The following NRG3 variants were observed in gnomAD, a reference collection of about 807,000 sequenced individuals.
NRG3 encodes pro-neuregulin-3, membrane-bound isoform.
In NRG3, 31 loss-of-function variants were observed where a neutral mutation model predicts 66.9. The ratio of observed to expected loss-of-function variants is 0.46; its 90% CI spans 0.35 to 0.63. The LOEUF (loss-of-function observed/expected upper bound fraction) is 0.63. Among genes scored for constraint, NRG3 ranks in the 20% least tolerant of loss-of-function variants. The probability of loss-of-function intolerance (pLI) is 0.00; values close to 1 mark genes in which losing one functional copy is unlikely to be tolerated. For synonymous variants in NRG3, 393 were observed against 359.4 expected, an observed-to-expected ratio of 1.09 and a Z score of -1.06; for missense variants, 910 against 878.9, an observed-to-expected ratio of 1.04 and a Z score of -0.45.
At chr10:82,416,348 A>G (rs965154096) in intron 2 of NRG3, among the ~76,000 whole-genome samples, 2 of 152,198 alleles carry the variant, frequency 1.3e-5, no homozygotes, top group African/African-American at 4.8e-5. Context: ...GGCACCAAGG[A>G]ATATATTCAT....
chr10:82,896,316 T>G (rs2131839837), intron 4 of NRG3, among the ~76,000 whole-genome samples: 1 of 152,328 alleles, frequency 6.6e-6, no homozygotes, highest in African/African-American at 2.4e-5. Context: ...ATGAAGCACA[T>G]GCTGAAGATC....
At chr10:82,783,193 G>A (rs1489994426) in intron 3 of NRG3, among the ~76,000 whole-genome samples, 1 of 152,070 alleles carries the variant, frequency 6.6e-6, no homozygotes, top group African/African-American at 2.4e-5. Flanking sequence ...ATTAGGTGTT[G>A]ATGGGACGTA....
intron 4 of NRG3, among the ~76,000 whole-genome samples, chr10:82,935,367 T>C (rs968512195): frequency 1.3e-5 from 2 of 152,216 alleles, no homozygotes; most frequent in African/African-American, 2.4e-5. Flanking sequence ...CAGTATTCTA[T>C]TTAAAATGTA....
chr10:81,950,082 G>A (rs1191585131), intron 1 of NRG3, among the ~76,000 whole-genome samples: 3 of 152,170 alleles, frequency 2.0e-5, no homozygotes, highest in African/African-American at 4.8e-5. Context: ...AGGTTCCAAT[G>A]TGCCAAGTTC....
At chr10:82,829,054 G>A (rs955421713) in intron 3 of NRG3, among the ~76,000 whole-genome samples, 1 of 152,072 alleles carries the variant, frequency 6.6e-6, no homozygotes. Flanking sequence ...GACAGCCTGT[G>A]CTGCAGTTCT....
intron 2 of NRG3, among the ~76,000 whole-genome samples, chr10:82,424,706 C>T (rs1165906399): frequency 6.6e-6 from 1 of 152,000 alleles, no homozygotes; most frequent in African/African-American, 2.4e-5. Flanking sequence ...TTCTAGTAAA[C>T]TATCACCTAA....
At chr10:82,607,997 G>T (rs2048072819) in intron 2 of NRG3, among the ~76,000 whole-genome samples, 1 of 152,036 alleles carries the variant, frequency 6.6e-6, no homozygotes, top group African/African-American at 2.4e-5. Flanking sequence ...ATAAGAAAAA[G>T]GAAAGATTTT....
intron 1 of NRG3, among the ~76,000 whole-genome samples, chr10:81,976,472 T>G (rs1209225865): frequency 6.6e-6 from 1 of 152,216 alleles, no homozygotes; most frequent in African/African-American, 2.4e-5. Context: ...ATTTCTAGCC[T>G]AGAAGGTTCA....
At chr10:82,701,460 T>C (rs573249544) in intron 2 of NRG3, among the ~76,000 whole-genome samples, 3 of 152,290 alleles carry the variant, frequency 2.0e-5, no homozygotes, top group South Asian at 4.1e-4. Flanking sequence ...GACATATTTG[T>C]AAGTCACAAG....
intron 1 of NRG3, among the ~76,000 whole-genome samples, chr10:82,025,830 A>G (rs942069097): frequency 2.0e-5 from 3 of 151,856 alleles, no homozygotes; most frequent in Non-Finnish European, 4.4e-5. Flanking sequence ...CTTATTTTGG[A>G]TAGTTTTTTG....
intron 1 of NRG3, among the ~76,000 whole-genome samples, chr10:82,193,360 C>T (rs1391081216): frequency 2.0e-5 from 3 of 152,162 alleles, no homozygotes; most frequent in Non-Finnish European, 4.4e-5. Context: ...CCAAGCTGGT[C>T]TTGAACTCCT....
At chr10:82,483,267 T>C (rs574816295) in intron 2 of NRG3, among the ~76,000 whole-genome samples, 1 of 152,266 alleles carries the variant, frequency 6.6e-6, no homozygotes, top group Non-Finnish European at 1.5e-5. Context: ...AAAGAAAACA[T>C]GATTTGCATA....
chr10:82,525,014 C>T lies in NRG3; in HGVS notation c.953+166146C>T, dbSNP rs555638423. 2.8e-3 allele frequency among the ~76,000 whole-genome samples: 431 copies of T among 152,022 alleles called. 2 individuals carry two copies. Among genetic ancestry groups the T allele is most frequent in the Non-Finnish European group, 4.8e-3 (323 of 67,820 alleles). On this transcript the variant is annotated intron_variant, in intron 2 of 8. Transcript: ENST00000372141. The stretch of plus-strand genomic sequence containing the variant: ...TTAGAAAGAGCCAATAAGTGATATG[C>T]AGCAGTGATCCCCAACCTATTCTTA...
chr10:82,755,795 C>T (rs1274448796), intron 3 of NRG3, among the ~76,000 whole-genome samples: 1 of 152,084 alleles, frequency 6.6e-6, no homozygotes, highest in Non-Finnish European at 1.5e-5. Context: ...CCTTAAGGAC[C>T]TGATGATAGG....
chr10:82,930,537 T>C (rs764136376), intron 4 of NRG3, among the ~76,000 whole-genome samples: 1 of 152,160 alleles, frequency 6.6e-6, no homozygotes, highest in Admixed American at 6.5e-5. Context: ...CCAAGATACT[T>C]GATTGTGTAT....
At chr10:82,661,595 G>T (rs1267993218) in intron 2 of NRG3, among the ~76,000 whole-genome samples, 1 of 152,188 alleles carries the variant, frequency 6.6e-6, no homozygotes, top group African/African-American at 2.4e-5. Context: ...TTGTGTGTGT[G>T]TGTGTGTTTG....
intron 1 of NRG3, among the ~76,000 whole-genome samples, chr10:81,931,357 A>G (rs903781077): frequency 6.6e-6 from 1 of 152,202 alleles, no homozygotes; most frequent in African/African-American, 2.4e-5. Flanking sequence ...TCTGTCTTCC[A>G]GGAACCAGGT....
intron 1 of NRG3, among the ~76,000 whole-genome samples, chr10:82,247,858 C>T (rs1268162424): frequency 6.6e-6 from 1 of 152,020 alleles, no homozygotes; most frequent in Non-Finnish European, 1.5e-5. Flanking sequence ...TTTTCTCTTC[C>T]CTTCTATTTA....
At chr10:82,358,926 AGGGTGCT>A (rs1219790959) in intron 2 of NRG3, 58 bp downstream of exon 2, 1 of 1,611,080 alleles carries the variant, frequency 6.2e-7, no homozygotes, top group African/African-American at 1.3e-5. Flanking sequence ...GTGGGGGTGG[AGGGTGCT>A]GGCAGCATCT....
Sources: gnomAD v4.1 joint callset for allele counts (sites outside exome capture counted in the v4.1 genomes callset) on GRCh38, gnomAD v4.1.1 for gene constraint, MANE v1.5 for transcripts, NCBI Gene and HGNC (gene_info 2026-07-23, HGNC 2026-07-21) for gene names.